The following BBS9 variants were observed in gnomAD, a reference collection of about 807,000 sequenced individuals.
BBS9 encodes protein PTHB1.
BBS9 carries 89 observed loss-of-function variants against 117.7 expected under a neutral mutation model. The observed-to-expected ratio is 0.76, with a 90% CI of 0.64 to 0.90. BBS9 has a LOEUF of 0.90. Ranked by LOEUF, BBS9 falls within the 40% of genes least tolerant of loss-of-function variation. BBS9 has a pLI of 0.00. For synonymous variants in BBS9, 379 were observed against 370.9 expected, an observed-to-expected ratio of 1.02 and a Z score of -0.25; for missense variants, 982 against 1,042.2, an observed-to-expected ratio of 0.94 and a Z score of 0.80.
intron 7 of BBS9, among the ~76,000 whole-genome samples, chr7:33,267,956 A>T (rs1799103904): frequency 1.3e-5 from 2 of 152,142 alleles, no homozygotes; most frequent in African/African-American, 4.8e-5. Flanking sequence ...TCCCTGGGAC[A>T]CAGTTAAGTT....
chr7:33,617,362 A>G (rs1865192188), intron 21 of BBS9, among the ~76,000 whole-genome samples: 1 of 152,160 alleles, frequency 6.6e-6, no homozygotes, highest in South Asian at 2.1e-4. Context: ...CTTCAGAGAA[A>G]GTAAGTTATC....
intron 5 of BBS9, among the ~76,000 whole-genome samples, chr7:33,207,901 G>T (rs2128221044): frequency 6.6e-6 from 1 of 151,880 alleles, no homozygotes; most frequent in East Asian, 1.9e-4. Context: ...TCTACCTCCT[G>T]GGTTCAAGCG....
At chr7:33,358,058 T>C in intron 16 of BBS9, 63 bp downstream of exon 16, 1 of 1,550,830 alleles carries the variant, frequency 6.4e-7, no homozygotes, top group Non-Finnish European at 8.9e-7. Context: ...AATGGAATCC[T>C]TCATCAGCAG....
intron 21 of BBS9, among the ~76,000 whole-genome samples, chr7:33,578,821 T>C (rs937762509): frequency 1.3e-5 from 2 of 152,218 alleles, no homozygotes; most frequent in Non-Finnish European, 2.9e-5. Context: ...CCTGTATCTC[T>C]AGGACAAAGG....
intron 9 of BBS9, among the ~76,000 whole-genome samples, chr7:33,312,942 A>G (rs1809595697): frequency 6.6e-6 from 1 of 152,084 alleles, no homozygotes; most frequent in Admixed American, 6.6e-5. Flanking sequence ...TCTGAGAACT[A>G]TGCTTGAAAC....
chr7:33,188,440 A>G (rs1783520590), intron 5 of BBS9, among the ~76,000 whole-genome samples: 1 of 152,216 alleles, frequency 6.6e-6, no homozygotes, highest in African/African-American at 2.4e-5. Context: ...TCAGTAAGGG[A>G]CAATTATTTT....
intron 4 of BBS9, among the ~76,000 whole-genome samples, chr7:33,158,628 C>T (rs1319584235): frequency 2.0e-5 from 3 of 152,136 alleles, no homozygotes; most frequent in Non-Finnish European, 4.4e-5. Context: ...AGCCTAGTGT[C>T]GTTTCATGCC....
chr7:33,366,734 T>C (rs10228013), intron 16 of BBS9, among the ~76,000 whole-genome samples: 132,802 of 151,600 alleles, frequency 0.88, 58,425 homozygotes, highest in African/African-American at 0.97. Context: ...TTAGTAGAGA[T>C]GGGGTTTCAC....
At chr7:33,500,188 G>A (rs1033892454) in intron 19 of BBS9, among the ~76,000 whole-genome samples, 1 of 152,208 alleles carries the variant, frequency 6.6e-6, no homozygotes, top group African/African-American at 2.4e-5. Context: ...GTTTAAAGCT[G>A]CGACAGTAGG....
chr7:33,306,874 A>G (rs1808124676), intron 9 of BBS9, among the ~76,000 whole-genome samples: 1 of 152,164 alleles, frequency 6.6e-6, no homozygotes, highest in Admixed American at 6.5e-5. Context: ...AGCATGATAT[A>G]TGTTAGAAAT....
At position 33,231,370 on chromosome 7, in the gene BBS9, AC is replaced by A. The variant is rs527533318; in HGVS notation, c.443-25865del. On this transcript the variant is annotated intron_variant, in intron 5 of 22. Transcript: ENST00000242067. ...TGTATCCTCTTGGTGCTGTTGGTAG[AC>A]TGTATTAATTTGGGTTTATTTCTTA... Among the ~76,000 whole-genome samples the A allele has an allele frequency of 2.1e-5, 3 of 143,674 alleles. No individual in the cohort carries two copies. In the South Asian group the frequency reaches 6.8e-4, roughly 32 times the overall value. The allele number at this position is 143,674 out of a possible 152,430, so 94.3% of individuals were successfully genotyped here. A position where few individuals can be genotyped will look rare whatever the true frequency, so the allele number is the denominator to read the frequency against.
chr7:33,341,997 A>G (rs1366768116), intron 11 of BBS9, among the ~76,000 whole-genome samples: 3 of 152,158 alleles, frequency 2.0e-5, no homozygotes, highest in African/African-American at 7.2e-5. Flanking sequence ...TGATCAATTT[A>G]GGGAAGTGGT....
chr7:33,326,759 A>T (rs966481620), intron 9 of BBS9, among the ~76,000 whole-genome samples: 3 of 151,832 alleles, frequency 2.0e-5, no homozygotes, highest in Non-Finnish European at 4.4e-5. Flanking sequence ...GGCCCAGGGT[A>T]TGTTTAGAAA....
chr7:33,408,704 T>C (rs1830550975), intron 19 of BBS9, among the ~76,000 whole-genome samples: 1 of 152,168 alleles, frequency 6.6e-6, no homozygotes, highest in Admixed American at 6.5e-5. Context: ...TAGAACAATT[T>C]ATTTTCCTTT....
intron 11 of BBS9, among the ~76,000 whole-genome samples, chr7:33,343,718 C>T (rs956876550): frequency 5.3e-5 from 8 of 152,102 alleles, no homozygotes; most frequent in African/African-American, 1.4e-4. Context: ...AGGCTGGTCT[C>T]GAACTCCTGA....
intron 5 of BBS9, among the ~76,000 whole-genome samples, chr7:33,189,883 TAAAAAAAAAA>T (rs372582478): frequency 7.9e-6 from 1 of 127,156 alleles, no homozygotes; most frequent in Non-Finnish European, 1.6e-5. Flanking sequence ...GACTCTGTCT[TAAAAAAAAAA>T]AAAAAAAAAG....
rs569745904 is a variant in BBS9 at position 33,360,209 on chromosome 7, A to G, written c.1693+2214A>G. Among the ~76,000 whole-genome samples, 17 of 152,214 alleles carry G rather than the reference A, an allele frequency of 1.1e-4. No homozygotes were observed. In the South Asian group the frequency reaches 1.2e-3, roughly 11 times the overall value. On this transcript the variant is annotated intron_variant, in intron 16 of 22. Coordinates refer to ENST00000242067, the MANE Select transcript of BBS9 (RefSeq NM_198428.3). ...TACCTGTGATGAACACTGTTGTAAC[A>G]ATACTTCTTCAAATTTATTATAGTT...
intron 19 of BBS9, among the ~76,000 whole-genome samples, chr7:33,480,412 T>G (rs1314876168): frequency 6.6e-6 from 1 of 152,176 alleles, no homozygotes; most frequent in Non-Finnish European, 1.5e-5. Flanking sequence ...TAGAGTTAAT[T>G]ACAGTGCAAG....
chr7:33,482,567 C>T (rs530852666), intron 19 of BBS9, among the ~76,000 whole-genome samples: 1 of 152,184 alleles, frequency 6.6e-6, no homozygotes, highest in South Asian at 2.1e-4. Flanking sequence ...AGTTGTAGAG[C>T]TTCTAATTAT....
Sources: gnomAD v4.1 joint callset for allele counts (sites outside exome capture counted in the v4.1 genomes callset) on GRCh38, gnomAD v4.1.1 for gene constraint, MANE v1.5 for transcripts, NCBI Gene and HGNC (gene_info 2026-07-23, HGNC 2026-07-21) for gene names.